The following SNTB1 variants were observed in gnomAD, a reference collection of about 807,000 sequenced individuals.
SNTB1 encodes beta-1-syntrophin.
In SNTB1, 36 loss-of-function variants were observed where a neutral mutation model predicts 48.9. The observed-to-expected ratio is 0.74, with a 90% CI of 0.56 to 0.97. SNTB1 has a LOEUF of 0.97. Among genes scored for constraint, SNTB1 ranks in the 50% least tolerant of loss-of-function variants. The pLI is 0.00. For synonymous variants in SNTB1, 299 were observed against 294.6 expected, an observed-to-expected ratio of 1.01 and a Z score of -0.15; for missense variants, 786 against 703.4, an observed-to-expected ratio of 1.12 and a Z score of -1.33.
chr8:120,747,465 A>AT (rs1349197589), intron 1 of SNTB1, among the ~76,000 whole-genome samples: 2 of 152,052 alleles, frequency 1.3e-5, no homozygotes, highest in Non-Finnish European at 2.9e-5. Context: ...TCATTTTTGT[A>AT]TTTTTAGTAG....
chr8:120,679,032 G>T (rs1019416459), intron 2 of SNTB1, among the ~76,000 whole-genome samples: 9 of 152,216 alleles, frequency 5.9e-5, no homozygotes, highest in African/African-American at 2.2e-4. Context: ...GTAGTAACTT[G>T]CTCTTTTTGC....
chr8:120,544,333 A>T (rs1311914037), intron 5 of SNTB1, among the ~76,000 whole-genome samples: 2 of 152,232 alleles, frequency 1.3e-5, no homozygotes, highest in African/African-American at 4.8e-5. Flanking sequence ...CATTCTACAT[A>T]GGATGGAATC....
At chr8:120,666,594 G>A (rs553245469) in intron 2 of SNTB1, among the ~76,000 whole-genome samples, 10 of 152,008 alleles carry the variant, frequency 6.6e-5, no homozygotes, top group African/African-American at 1.9e-4. Context: ...TTTCTTGCAC[G>A]TATGGTTTAT....
At chr8:120,623,892 T>C (rs1033575467) in intron 3 of SNTB1, among the ~76,000 whole-genome samples, 20 of 152,180 alleles carry the variant, frequency 1.3e-4, no homozygotes, top group Non-Finnish European at 2.9e-4. Flanking sequence ...CATTAGTCTG[T>C]TTTGTGTTGC....
chr8:120,544,119 C>A (rs773887118), intron 5 of SNTB1, among the ~76,000 whole-genome samples: 1 of 152,096 alleles, frequency 6.6e-6, no homozygotes, highest in Admixed American at 6.6e-5. Context: ...TTCTACAACC[C>A]GCAGACCATG....
At chr8:120,670,973 C>T (rs1280877746) in intron 2 of SNTB1, among the ~76,000 whole-genome samples, 2 of 152,212 alleles carry the variant, frequency 1.3e-5, no homozygotes, top group Non-Finnish European at 2.9e-5. Flanking sequence ...AAATGTCTGA[C>T]CTCAAGTCCA....
intron 4 of SNTB1, among the ~76,000 whole-genome samples, chr8:120,572,643 C>G (rs1351500047): frequency 6.6e-6 from 1 of 152,170 alleles, no homozygotes; most frequent in Non-Finnish European, 1.5e-5. Flanking sequence ...AATCCCAGCA[C>G]TATGGGAGGC....
chr8:120,701,150 A>AG, intron 1 of SNTB1, among the ~76,000 whole-genome samples: 1 of 152,294 alleles, frequency 6.6e-6, no homozygotes, highest in South Asian at 2.1e-4. Context: ...AGGTCATCTT[A>AG]GGGAGGAAAG....
chr8:120,807,790 A>G (rs1008991021), intron 1 of SNTB1, among the ~76,000 whole-genome samples: 2 of 152,250 alleles, frequency 1.3e-5, no homozygotes, highest in African/African-American at 4.8e-5. Context: ...CAACCAGTTC[A>G]AGTACACAGT....
At chr8:120,587,885 G>C (rs1312573600) in intron 3 of SNTB1, among the ~76,000 whole-genome samples, 6 of 152,132 alleles carry the variant, frequency 3.9e-5, no homozygotes, top group Admixed American at 3.9e-4. Context: ...ACTCCAAAGG[G>C]CCATTTCAGT....
At chr8:120,737,775 C>T (rs941560892) in intron 1 of SNTB1, among the ~76,000 whole-genome samples, 7 of 152,152 alleles carry the variant, frequency 4.6e-5, no homozygotes, top group African/African-American at 1.2e-4. Flanking sequence ...CTTTTATCCA[C>T]CCCTTTCAAT....
At chr8:120,649,643 A>T (rs1291935948) in intron 2 of SNTB1, among the ~76,000 whole-genome samples, 1 of 150,440 alleles carries the variant, frequency 6.6e-6, no homozygotes, top group African/African-American at 2.4e-5. Flanking sequence ...CTGCCCCCAG[A>T]GGTGGAGCCT....
chr8:120,719,788 T>C (rs1178174684), intron 1 of SNTB1, among the ~76,000 whole-genome samples: 3 of 150,226 alleles, frequency 2.0e-5, no homozygotes, highest in African/African-American at 7.4e-5. Flanking sequence ...GGTGTGCTGG[T>C]GTCTGCTCTA....
chr8:120,772,639 C>T (rs775585774), intron 1 of SNTB1, among the ~76,000 whole-genome samples: 5 of 152,070 alleles, frequency 3.3e-5, no homozygotes, highest in African/African-American at 7.2e-5. Flanking sequence ...CATCCAATAC[C>T]ACTGGAGTCA....
At chr8:120,598,464 A>G (rs1027407501) in intron 3 of SNTB1, among the ~76,000 whole-genome samples, 1 of 152,170 alleles carries the variant, frequency 6.6e-6, no homozygotes, top group Non-Finnish European at 1.5e-5. Flanking sequence ...CTTAGTATAC[A>G]TTTACTCTGT....
chr8:120,682,145 C>T (rs773445980), intron 2 of SNTB1, among the ~76,000 whole-genome samples: 2 of 151,702 alleles, frequency 1.3e-5, no homozygotes, highest in Non-Finnish European at 2.9e-5. Context: ...AACCTTACAA[C>T]ATCAATCTAG....
At chr8:120,771,289 G>T (rs1428854409) in intron 1 of SNTB1, among the ~76,000 whole-genome samples, 1 of 152,172 alleles carries the variant, frequency 6.6e-6, no homozygotes, top group Admixed American at 6.5e-5. Context: ...TTTATAAAAT[G>T]GAAGAAAATG....
At position 120,811,352 on chromosome 8, in the gene SNTB1, G is replaced by A. The variant is rs151082415; in HGVS notation, c.492C>T (p.Asn164=). 161 of 1,613,404 alleles carry A rather than the reference G, an allele frequency of 1.0e-4. No individual in the cohort carries two copies. In the African/African-American group the frequency reaches 1.9e-3, roughly 19 times the overall value. The change falls in exon 1 of 7, where the codon AAC becomes AAT. Residue 164 remains asparagine, a synonymous_variant. Coordinates refer to ENST00000517992, the MANE Select transcript of SNTB1 (RefSeq NM_021021.4). The part of the protein sequence containing the change: ...LYVGDAILSV[N]GADLRDATHD... The stretch of plus-strand genomic sequence containing the variant: ...GGGTGGCGTCCCGCAGGTCGGCTCC[G>A]TTCACGGACAGGATGGCGTCGCCCA...
chr8:120,800,966 T>C (rs1166134806), intron 1 of SNTB1, among the ~76,000 whole-genome samples: 1 of 152,056 alleles, frequency 6.6e-6, no homozygotes, highest in Non-Finnish European at 1.5e-5. Context: ...TATTAGAATA[T>C]ATGTTTTAAT....
Sources: gnomAD v4.1 joint callset for allele counts (sites outside exome capture counted in the v4.1 genomes callset) on GRCh38, gnomAD v4.1.1 for gene constraint, MANE v1.5 for transcripts, NCBI Gene and HGNC (gene_info 2026-07-23, HGNC 2026-07-21) for gene names.